OPHN1: variants seen among roughly 807,000 people sequenced by gnomAD.
OPHN1 encodes the protein oligophrenin 1.
OPHN1 carries 11 observed loss-of-function variants against 60.7 expected under a neutral mutation model. The observed-to-expected ratio is 0.18, with a 90% CI of 0.11 to 0.30. The LOEUF (loss-of-function observed/expected upper bound fraction) is 0.30, where lower values mean the gene tolerates loss of function less well. OPHN1 is among the 10% of genes least tolerant of loss of function. OPHN1 has a pLI of 1.00. For missense variants in OPHN1, 449 were observed against 611.0 expected (o/e 0.73, Z 2.80); for synonymous variants, 226 against 222.6 (o/e 1.02, Z -0.14).
At chrX:68,285,627 C>T (rs1397921517) in intron 3 of OPHN1, among the ~76,000 whole-genome samples, 1 of 111,043 alleles carries the variant, frequency 9.0e-6, no homozygotes, top group Non-Finnish European at 1.9e-5. Flanking sequence ...CTCTCTTCTT[C>T]TGAGGTTCTC....
chrX:68,404,356 C>T (rs2078730747), intron 2 of OPHN1, among the ~76,000 whole-genome samples: 1 of 110,680 alleles, frequency 9.0e-6, no homozygotes, highest in South Asian at 3.9e-4. Flanking sequence ...GACAGGGTTT[C>T]ACCATGTTGG....
chrX:68,228,282 A>C (rs1275508647), intron 6 of OPHN1, among the ~76,000 whole-genome samples: 13 of 106,928 alleles, frequency 1.2e-4, no homozygotes, highest in African/African-American at 2.0e-4. Flanking sequence ...TACCAACCAA[A>C]AAAAGTCCAG....
chrX:68,282,901 A>G (rs2078025416), intron 4 of OPHN1, among the ~76,000 whole-genome samples, 155 bp downstream of exon 4: 1 of 111,912 alleles, frequency 8.9e-6, no homozygotes, highest in African/African-American at 3.2e-5. Flanking sequence ...AGCTTGAGAC[A>G]TAATAACCAG....
chrX:68,049,199 A>G (rs1436695752), intron 23 of OPHN1, among the ~76,000 whole-genome samples: 1 of 111,745 alleles, frequency 8.9e-6, no homozygotes, highest in Admixed American at 9.5e-5. Context: ...CTATGTATAC[A>G]TACATCCAGC....
At chrX:68,426,404 G>A (rs1246691171) in intron 2 of OPHN1, among the ~76,000 whole-genome samples, 5 of 106,361 alleles carry the variant, frequency 4.7e-5, no homozygotes, top group African/African-American at 6.7e-5. Context: ...TGGCACCACT[G>A]TACTCCAGCC....
chrX:68,261,347 G>T (rs2077892532), intron 5 of OPHN1, among the ~76,000 whole-genome samples: 1 of 111,756 alleles, frequency 8.9e-6, no homozygotes, highest in African/African-American at 3.3e-5. Context: ...GGCTAGAGGG[G>T]ATGACTGAGT....
chrX:68,047,799 T>C (rs920672140), intron 24 of OPHN1, among the ~76,000 whole-genome samples: 1 of 112,163 alleles, frequency 8.9e-6, no homozygotes, highest in Non-Finnish European at 1.9e-5. Context: ...ATTTGTTGAG[T>C]TAGAACACAT....
chrX:68,336,653 C>CGTGT (rs761125840), intron 2 of OPHN1, among the ~76,000 whole-genome samples: 1 of 91,865 alleles, frequency 1.1e-5, no homozygotes, highest in African/African-American at 5.5e-5. Context: ...TATGTGTGTA[C>CGTGT]GTGTGTGTGT....
chrX:68,079,015 A>ATAAATAAG, intron 19 of OPHN1, among the ~76,000 whole-genome samples: 1 of 109,496 alleles, frequency 9.1e-6, no homozygotes, highest in South Asian at 4.0e-4. Flanking sequence ...AAATAAATAA[A>ATAAATAAG]TAAATAAATA....
At position 68,043,829 on chromosome X, in the gene OPHN1, T is replaced by C. The variant is rs1352879223; in HGVS notation, c.*3343A>G. On this transcript the variant is annotated 3_prime_UTR_variant, in exon 25 of 25. Transcript: ENST00000355520. ...TTTGTAGAGATTTGACCCCAATACA[T>C]CAAGTACTGCAGAGGCACCAAGACC... is the stretch of plus-strand genomic sequence containing the variant. 2 of 111,984 alleles carry C rather than the reference T, an allele frequency of 1.8e-5. No individual in the cohort carries two copies. The highest frequency in any genetic ancestry group is 1.9e-4 in the Admixed American group (2 of 10,521). The allele number at this position is 111,984 out of a possible 1,213,427, so 9.2% of individuals were successfully genotyped here. A position where few individuals can be genotyped will look rare whatever the true frequency, so the allele number is the denominator to read the frequency against.
chrX:68,195,541 T>C (rs547775109), intron 12 of OPHN1, among the ~76,000 whole-genome samples: 2 of 111,374 alleles, frequency 1.8e-5, no homozygotes, highest in African/African-American at 3.3e-5. Flanking sequence ...AGGGTTGGAG[T>C]AGACATTCCT....
chrX:68,097,433 T>G (rs1422561566), intron 18 of OPHN1, among the ~76,000 whole-genome samples: 2 of 110,997 alleles, frequency 1.8e-5, no homozygotes, highest in Non-Finnish European at 3.8e-5. Flanking sequence ...TACTAGTCTC[T>G]TAAATCAGCC....
intron 2 of OPHN1, among the ~76,000 whole-genome samples, chrX:68,388,471 A>C (rs1488825428): frequency 9.2e-6 from 1 of 109,081 alleles, no homozygotes; most frequent in Non-Finnish European, 1.9e-5. Flanking sequence ...AAAAAAAAAA[A>C]AAAGAAGTTT....
chrX:68,079,962 G>T (rs2076968357), intron 19 of OPHN1, among the ~76,000 whole-genome samples: 1 of 111,141 alleles, frequency 9.0e-6, no homozygotes, highest in South Asian at 3.9e-4. Context: ...ACTTGGTTGA[G>T]TCTCATCATG....
At chrX:68,159,815 T>C (rs188650415) in intron 15 of OPHN1, among the ~76,000 whole-genome samples, 33 of 110,889 alleles carry the variant, frequency 3.0e-4, no homozygotes, top group African/African-American at 1.0e-3. Context: ...AGGATTAAAA[T>C]GTTACAACAA....
In OPHN1 at chrX:68,065,138, T is replaced by C. The variant is rs1355807707; in HGVS notation, c.1835-961A>G. On this transcript the variant is annotated intron_variant, in intron 20 of 24. Transcript: ENST00000355520. ...CACATGTACCCTAGAACTTAAAGTA[T>C]AATAATAATAAAAAAAAAGAACAGA... Among the ~76,000 whole-genome samples the C allele has an allele frequency of 4.5e-5, 5 of 110,834 alleles. No homozygotes were observed. In the Admixed American group the frequency reaches 4.8e-4, roughly 11 times the overall value.
chrX:68,402,818 G>A (rs2078722175), intron 2 of OPHN1, among the ~76,000 whole-genome samples: 1 of 111,951 alleles, frequency 8.9e-6, no homozygotes, highest in African/African-American at 3.2e-5. Context: ...CATATGGCCA[G>A]TAGTTTTTAA....
At chrX:68,352,579 A>G (rs2078418867) in intron 2 of OPHN1, among the ~76,000 whole-genome samples, 1 of 111,419 alleles carries the variant, frequency 9.0e-6, no homozygotes, top group African/African-American at 3.3e-5. Flanking sequence ...TGTTTCCCCC[A>G]GCTATGGGAA....
intron 2 of OPHN1, among the ~76,000 whole-genome samples, chrX:68,416,302 C>A (rs2078798803): frequency 1.8e-5 from 2 of 108,879 alleles, no homozygotes; most frequent in Non-Finnish European, 3.8e-5. Context: ...CCTGGGCCTC[C>A]CAAAGTGCTG....
Sources: allele counts gnomAD v4.1 joint callset (sites outside exome capture counted in the v4.1 genomes callset), GRCh38; gene constraint gnomAD v4.1.1; transcripts MANE v1.5; gene names NCBI Gene and HGNC (gene_info 2026-07-23, HGNC 2026-07-21).